Variants in MGRN1 observed in about 807,000 individuals in gnomAD.
MGRN1 encodes mahogunin ring finger 1, also known as E3 ubiquitin-protein ligase MGRN1.
Under a neutral mutation model 69.2 loss-of-function variants are expected in MGRN1, and 29 were observed. The ratio of observed to expected loss-of-function variants is 0.42; its 90% CI spans 0.31 to 0.57. The LOEUF is 0.57. Ranked by LOEUF, MGRN1 falls within the 20% of genes least tolerant of loss-of-function variation. The pLI is 0.15. For synonymous variants in MGRN1, 470 were observed against 344.2 expected (o/e 1.37, Z -4.04); for missense variants, 998 against 796.2 (o/e 1.25, Z -3.05).
chr16:4,632,041 T>TCAAGA (rs1898034438), intron 1 of MGRN1, among the ~76,000 whole-genome samples: 1 of 132,290 alleles, frequency 7.6e-6, no homozygotes, highest in Admixed American at 8.6e-5. Context: ...TGAGATGGAG[T>TCAAGA]CTTGCTCTTG....
intron 5 of MGRN1, chr16:4,659,204 G>A (rs566729800): frequency 1.3e-5 from 2 of 152,186 alleles, no homozygotes; most frequent in South Asian, 2.1e-4. Context: ...TAAAATAAAC[G>A]TCTCCCCAGA....
In MGRN1 at chr16:4,683,279, T is replaced by C. The variant is rs1341924111; in HGVS notation, c.1528+10T>C. On this transcript the variant is annotated intron_variant, in intron 15 of 16. Coordinates refer to ENST00000262370, the MANE Select transcript of MGRN1 (RefSeq NM_015246.4). The stretch of plus-strand genomic sequence containing the variant: ...TCGTCACCACAGCAAGGTGAGCGCC[T>C]CCTTCCATGGGCACAAACCGCATGC... The C allele has an allele frequency of 6.2e-7, 1 of 1,613,600 alleles. No homozygotes were observed. The highest frequency in any genetic ancestry group is 8.5e-7 in the Non-Finnish European group (1 of 1,179,918).
At chr16:4,679,952 C>T (rs2079141226) in intron 11 of MGRN1, 80 bp from the exon 12 acceptor site, 2 of 1,333,496 alleles carry the variant, frequency 1.5e-6, no homozygotes, top group South Asian at 1.2e-5. Context: ...GGCAAGAGGA[C>T]AGCCAGTCAG....
At chr16:4,674,616 C>CTT (rs2079014015) in intron 10 of MGRN1, among the ~76,000 whole-genome samples, 1 of 71,406 alleles carries the variant, frequency 1.4e-5, no homozygotes, top group Non-Finnish European at 2.7e-5. Context: ...TTTTTCTTTT[C>CTT]TTTTCTTTTC....
intron 1 of MGRN1, among the ~76,000 whole-genome samples, chr16:4,631,811 T>C (rs893565018): frequency 2.6e-5 from 4 of 152,104 alleles, no homozygotes; most frequent in Non-Finnish European, 5.9e-5. Flanking sequence ...TATATAAATC[T>C]ATGTGGTGAG....
intron 15 of MGRN1, 87 bp downstream of exon 15, chr16:4,683,356 G>A (rs747251289): frequency 1.1e-5 from 16 of 1,486,246 alleles, no homozygotes; most frequent in Non-Finnish European, 1.3e-5. Flanking sequence ...AGGTGGTGTT[G>A]GGCCAGCACC....
chr16:4,631,769 C>T (rs1393687633), intron 1 of MGRN1, among the ~76,000 whole-genome samples: 1 of 152,174 alleles, frequency 6.6e-6, no homozygotes, highest in Non-Finnish European at 1.5e-5. Flanking sequence ...TCTACAAAAG[C>T]AGCCTGCAAT....
chr16:4,647,316 G>A (rs1011859688), intron 1 of MGRN1, among the ~76,000 whole-genome samples: 6 of 152,220 alleles, frequency 3.9e-5, no homozygotes, highest in Non-Finnish European at 8.8e-5. Flanking sequence ...CCTGAGGCAC[G>A]GGGTGCCTTG....
intron 10 of MGRN1, among the ~76,000 whole-genome samples, chr16:4,675,878 C>A (rs999522451): frequency 6.6e-6 from 1 of 152,210 alleles, no homozygotes; most frequent in Non-Finnish European, 1.5e-5. Flanking sequence ...TGAGTGTCTT[C>A]CAGTAGAGGG....
chr16:4,641,998 G>A (rs2078169867), intron 1 of MGRN1, among the ~76,000 whole-genome samples: 2 of 152,128 alleles, frequency 1.3e-5, no homozygotes, highest in Non-Finnish European at 2.9e-5. Context: ...AGTTGGTCTC[G>A]TCTCCTGCAG....
At chr16:4,674,626 C>CTTTTTTTTTTTTTTTTTTTTTTTTTTTT in intron 10 of MGRN1, among the ~76,000 whole-genome samples, 1 of 47,254 alleles carries the variant, frequency 2.1e-5, no homozygotes, top group Non-Finnish European at 3.6e-5. Flanking sequence ...CTTTTCTTTT[C>CTTTTTTTTTTTTTTTTTTTTTTTTTTTT]TTTTTTTTTT....
At chr16:4,625,279 T>C (rs56268873) in intron 1 of MGRN1, among the ~76,000 whole-genome samples, 102,872 of 152,092 alleles carry the variant, frequency 0.68, 38,971 homozygotes, top group East Asian at 0.88. Context: ...TTGGGTGACC[T>C]TGGGGCAGTC....
Position 4,681,705 on chromosome 16 carries a change from C to A in MGRN1, c.1287C>A (p.Pro429=). The change falls in exon 13 of 17, where the codon CCC becomes CCA. Residue 429 remains proline, a synonymous_variant. Coordinates refer to ENST00000262370, the MANE Select transcript of MGRN1 (RefSeq NM_015246.4). ...ACGGCCTGTCCCAGGCCAGCTGTCC[C>A]CTCGCGGCTATCGACCACATCCTGG... ...ISDGLSQASC[P]LAAIDHILDS... 6.2e-7 allele frequency: 1 copy of A among 1,613,358 alleles called. No homozygotes were observed. Among genetic ancestry groups the A allele is most frequent in the Non-Finnish European group, 8.5e-7 (1 of 1,179,980 alleles).
intron 4 of MGRN1, 28 bp downstream of exon 4, chr16:4,652,852 C>A: frequency 1.3e-6 from 2 of 1,571,088 alleles, no homozygotes; most frequent in Non-Finnish European, 1.7e-6. Context: ...CTGGCACCGG[C>A]CTGGCTGGGG....
chr16:4,625,142 C>A, intron 1 of MGRN1, 94 bp downstream of exon 1: 6 of 1,176,972 alleles, frequency 5.1e-6, no homozygotes, highest in Non-Finnish European at 1.1e-6. Context: ...GGGCGCCCTG[C>A]TCGGCCCCCT....
At chr16:4,651,253 C>T (rs1159708111) in intron 2 of MGRN1, 3 of 151,434 alleles carry the variant, frequency 2.0e-5, no homozygotes, top group South Asian at 2.1e-4. Context: ...TACTCGAGTA[C>T]TGTGAGCTGT....
At chr16:4,664,898 A>G in intron 6 of MGRN1, 123 bp downstream of exon 6, 1 of 1,374,246 alleles carries the variant, frequency 7.3e-7, no homozygotes, top group African/African-American at 1.4e-5. Flanking sequence ...GGCTTCCCAC[A>G]GGGCAGGGTG....
At chr16:4,665,667 CT>C (rs35226786) in intron 7 of MGRN1, among the ~76,000 whole-genome samples, 1,475 of 127,570 alleles carry the variant, frequency 0.012, 16 homozygotes, top group African/African-American at 0.04. Flanking sequence ...CGTGCCCGGC[CT>C]TTTTTTTTTT....
chr16:4,672,016 C>A (rs1172612226), intron 9 of MGRN1, among the ~76,000 whole-genome samples: 2 of 152,228 alleles, frequency 1.3e-5, no homozygotes, highest in African/African-American at 4.8e-5. Context: ...AGCGATTCTC[C>A]TGCCTCAGCC....
Sources: allele counts gnomAD v4.1 joint callset (sites outside exome capture counted in the v4.1 genomes callset), GRCh38; gene constraint gnomAD v4.1.1; transcripts MANE v1.5; gene names NCBI Gene and HGNC (gene_info 2026-07-23, HGNC 2026-07-21).